Variants in DCC observed in about 807,000 individuals in gnomAD.
DCC encodes netrin receptor DCC.
DCC carries 58 observed loss-of-function variants against 172.5 expected under a neutral mutation model. That is an observed-to-expected ratio of 0.34 (90% CI 0.27 to 0.42). DCC has a LOEUF of 0.42. DCC is among the 10% of genes least tolerant of loss of function. DCC has a pLI of 1.00. For synonymous variants in DCC, 709 were observed against 644.5 expected, an observed-to-expected ratio of 1.10 and a Z score of -1.52; for missense variants, 1,740 against 1,791.0, an observed-to-expected ratio of 0.97 and a Z score of 0.51.
At chr18:52,846,732 T>C (rs936564826) in intron 2 of DCC, among the ~76,000 whole-genome samples, 14 of 151,688 alleles carry the variant, frequency 9.2e-5, no homozygotes, top group African/African-American at 3.4e-4. Flanking sequence ...CCTATTCTTT[T>C]TAAACTAAGA....
At chr18:52,641,007 T>TA (rs1166054100) in intron 1 of DCC, among the ~76,000 whole-genome samples, 2 of 148,744 alleles carry the variant, frequency 1.3e-5, no homozygotes, top group Non-Finnish European at 3.0e-5. Context: ...GGTACTGGCA[T>TA]AAAAATAGGC....
intron 1 of DCC, among the ~76,000 whole-genome samples, chr18:52,500,656 A>T (rs558638276): frequency 1.3e-5 from 2 of 152,240 alleles, no homozygotes; most frequent in Non-Finnish European, 2.9e-5. Flanking sequence ...ATTAAAAATT[A>T]ACTTGTATCA....
intron 1 of DCC, among the ~76,000 whole-genome samples, chr18:52,697,958 ACT>A (rs2036041207): frequency 1.3e-5 from 2 of 152,140 alleles, no homozygotes; most frequent in Admixed American, 1.3e-4. Flanking sequence ...TTGAATTCAC[ACT>A]CTTACAATAA....
chr18:53,159,379 C>T (rs1421106700), intron 8 of DCC, among the ~76,000 whole-genome samples: 2 of 152,280 alleles, frequency 1.3e-5, no homozygotes, highest in Middle Eastern at 3.4e-3. Flanking sequence ...TACCATTCCT[C>T]GTGAAGTCTT....
intron 1 of DCC, among the ~76,000 whole-genome samples, chr18:52,480,211 G>GA (rs1426647994): frequency 1.3e-5 from 2 of 151,458 alleles, no homozygotes; most frequent in African/African-American, 4.9e-5. Context: ...ATTCCAGAAA[G>GA]AAAAAACAAA....
intron 5 of DCC, among the ~76,000 whole-genome samples, chr18:53,060,461 T>C (rs1337634812): frequency 6.6e-6 from 1 of 152,060 alleles, no homozygotes. Context: ...AATAAAGATA[T>C]CAAGATAGCC....
intron 5 of DCC, among the ~76,000 whole-genome samples, chr18:53,048,510 T>C (rs1424298003): frequency 6.6e-6 from 1 of 150,680 alleles, no homozygotes; most frequent in Non-Finnish European, 1.5e-5. Context: ...TGTGTGTGTG[T>C]GTGTGTGTGT....
At chr18:53,154,533 C>T (rs1030456597) in intron 7 of DCC, among the ~76,000 whole-genome samples, 1 of 152,110 alleles carries the variant, frequency 6.6e-6, no homozygotes, top group Non-Finnish European at 1.5e-5. Flanking sequence ...CTGGATGCTG[C>T]ACAGAGAATA....
chr18:52,353,690 CAGAG>C (rs1215476523), intron 1 of DCC, among the ~76,000 whole-genome samples: 1 of 152,190 alleles, frequency 6.6e-6, no homozygotes, highest in African/African-American at 2.4e-5. Context: ...CACTGCCTGG[CAGAG>C]AGAGCAGCTT....
intron 7 of DCC, among the ~76,000 whole-genome samples, chr18:53,100,981 A>C (rs984824521): frequency 2.0e-5 from 3 of 152,110 alleles, no homozygotes; most frequent in Admixed American, 6.6e-5. Flanking sequence ...GGGGAGGAAG[A>C]CATGCACCCT....
intron 1 of DCC, among the ~76,000 whole-genome samples, chr18:52,480,841 C>G (rs921105555): frequency 1.3e-5 from 2 of 151,922 alleles, no homozygotes; most frequent in African/African-American, 2.4e-5. Flanking sequence ...TTTGAATATA[C>G]CCCCCAATTT....
At chr18:52,849,920 T>C (rs970428916) in intron 2 of DCC, among the ~76,000 whole-genome samples, 1 of 152,142 alleles carries the variant, frequency 6.6e-6, no homozygotes, top group African/African-American at 2.4e-5. Flanking sequence ...CCAGAAATAA[T>C]GTCTTATAAG....
chr18:53,163,939 C>T (rs1168378781), intron 8 of DCC, among the ~76,000 whole-genome samples: 1 of 152,136 alleles, frequency 6.6e-6, no homozygotes, highest in East Asian at 1.9e-4. Context: ...CTAGGCTAAG[C>T]ATCTTACATA....
At chr18:53,442,046 C>CA (rs1912310445) in intron 22 of DCC, among the ~76,000 whole-genome samples, 1 of 152,202 alleles carries the variant, frequency 6.6e-6, no homozygotes, top group Non-Finnish European at 1.5e-5. Context: ...CTGTTGCTTT[C>CA]ATAATAAGTC....
chr18:53,191,301 A>G (rs1160718304), intron 9 of DCC, among the ~76,000 whole-genome samples: 4 of 152,218 alleles, frequency 2.6e-5, no homozygotes, highest in Non-Finnish European at 5.9e-5. Flanking sequence ...AGCAAAAACA[A>G]TATAATAATA....
At chr18:52,856,397 G>T (rs909322892) in intron 2 of DCC, among the ~76,000 whole-genome samples, 5 of 151,230 alleles carry the variant, frequency 3.3e-5, no homozygotes, top group African/African-American at 1.2e-4. Context: ...AGGCCGAGGC[G>T]GGCGTTTCAC....
At chr18:53,089,685 C>G (rs760735482) in intron 7 of DCC, among the ~76,000 whole-genome samples, 6 of 152,056 alleles carry the variant, frequency 3.9e-5, no homozygotes, top group Non-Finnish European at 7.3e-5. Flanking sequence ...GCTGATTGGA[C>G]AAGTCATCCC....
In DCC at chr18:53,055,469, G is replaced by A. The variant is rs372954704; in HGVS notation, c.986-7836G>A. On this transcript the variant is annotated intron_variant, in intron 5 of 28. Transcript: ENST00000442544. The stretch of plus-strand genomic sequence containing the variant: ...TGAAACATCTTTTGGAATAGAAAAT[G>A]CTTAGAATGAAATCCATACCTTGAA... 5.9e-5 allele frequency among the ~76,000 whole-genome samples: 9 copies of A among 152,158 alleles called. No homozygotes were observed. The East Asian group carries it at 1.7e-3, about 29-fold the overall frequency.
intron 23 of DCC, among the ~76,000 whole-genome samples, chr18:53,455,567 T>C (rs2045473089): frequency 1.3e-5 from 2 of 152,322 alleles, no homozygotes; most frequent in South Asian, 4.1e-4. Flanking sequence ...TGCATGTCAA[T>C]AATGGAAAGT....
Sources: allele counts gnomAD v4.1 joint callset (sites outside exome capture counted in the v4.1 genomes callset), GRCh38; gene constraint gnomAD v4.1.1; transcripts MANE v1.5; gene names NCBI Gene and HGNC (gene_info 2026-07-23, HGNC 2026-07-21).